ARL15: variants seen among roughly 807,000 people sequenced by gnomAD.
ARL15 encodes the protein ADP-ribosylation factor-like protein 15.
Under a neutral mutation model 25.2 loss-of-function variants are expected in ARL15, and 19 were observed. The observed-to-expected ratio is 0.75, with a 90% CI of 0.53 to 1.10. The LOEUF (loss-of-function observed/expected upper bound fraction) is 1.10, where lower values mean the gene tolerates loss of function less well. ARL15 is among the 50% of genes least tolerant of loss of function. The pLI is 0.00. For synonymous variants in ARL15, 94 were observed against 86.8 expected (o/e 1.08, Z -0.46); for missense variants, 220 against 246.0 (o/e 0.89, Z 0.71).
At chr5:54,107,144 G>C (rs1225824031) in intron 4 of ARL15, among the ~76,000 whole-genome samples, 3 of 152,064 alleles carry the variant, frequency 2.0e-5, no homozygotes, top group African/African-American at 7.2e-5. Context: ...GGCTAAAGCG[G>C]AACCCCGTGA....
At chr5:54,084,018 C>T (rs1751881135) in intron 4 of ARL15, among the ~76,000 whole-genome samples, 1 of 152,104 alleles carries the variant, frequency 6.6e-6, no homozygotes, top group Non-Finnish European at 1.5e-5. Flanking sequence ...TATTCCATAG[C>T]CAGGGTGCCA....
chr5:54,005,131 C>T (rs963711854), intron 4 of ARL15, among the ~76,000 whole-genome samples: 3 of 152,078 alleles, frequency 2.0e-5, no homozygotes, highest in East Asian at 1.9e-4. Flanking sequence ...GGATTACAGG[C>T]ATGAGCCACC....
intron 1 of ARL15, among the ~76,000 whole-genome samples, chr5:54,251,120 G>T (rs1757225312): frequency 7.3e-6 from 1 of 136,678 alleles, no homozygotes; most frequent in Admixed American, 7.2e-5. Context: ...CTTAGAAAGT[G>T]ATTCACTTGA....
intron 4 of ARL15, among the ~76,000 whole-genome samples, chr5:54,068,227 G>GA (rs1751307506): frequency 1.3e-5 from 2 of 152,162 alleles, no homozygotes; most frequent in African/African-American, 4.8e-5. Context: ...GCAGAGTGTG[G>GA]AATGAGAAGA....
chr5:53,973,161 G>T (rs994224648), intron 4 of ARL15, among the ~76,000 whole-genome samples: 6 of 152,048 alleles, frequency 3.9e-5, no homozygotes, highest in Non-Finnish European at 5.9e-5. Flanking sequence ...AAGCATAAAG[G>T]TCCAAGAAAT....
intron 4 of ARL15, among the ~76,000 whole-genome samples, chr5:54,057,342 T>C (rs932759790): frequency 6.6e-6 from 1 of 152,208 alleles, no homozygotes. Flanking sequence ...AAATAGTCCA[T>C]CAACATGATT....
chr5:54,201,839 T>C (rs1755733558), intron 1 of ARL15, among the ~76,000 whole-genome samples: 1 of 152,104 alleles, frequency 6.6e-6, no homozygotes, highest in South Asian at 2.1e-4. Context: ...CAATGGACCA[T>C]CTCCTTGACC....
intron 4 of ARL15, among the ~76,000 whole-genome samples, chr5:53,888,470 G>C (rs1210719931): frequency 2.0e-5 from 3 of 151,994 alleles, no homozygotes; most frequent in Non-Finnish European, 4.4e-5. Flanking sequence ...CTTCTGTAGA[G>C]GTGGGGTCTA....
At chr5:54,097,833 A>G (rs999218961) in intron 4 of ARL15, among the ~76,000 whole-genome samples, 1 of 152,210 alleles carries the variant, frequency 6.6e-6, no homozygotes, top group African/African-American at 2.4e-5. Flanking sequence ...CTACAGGGAG[A>G]GCACACAAAG....
chr5:54,172,528 A>C (rs1754750383), intron 1 of ARL15, among the ~76,000 whole-genome samples: 1 of 152,304 alleles, frequency 6.6e-6, no homozygotes, highest in East Asian at 1.9e-4. Flanking sequence ...GAATTTAATC[A>C]ATGTACTGTG....
At chr5:54,254,826 G>A (rs73120767) in intron 1 of ARL15, among the ~76,000 whole-genome samples, 13,684 of 152,244 alleles carry the variant, frequency 0.09, 965 homozygotes, top group African/African-American at 0.19. Flanking sequence ...AAGTTTAATA[G>A]GAACTTATCA....
intron 3 of ARL15, among the ~76,000 whole-genome samples, chr5:54,154,162 G>A (rs571935084): frequency 2.2e-4 from 34 of 152,044 alleles, no homozygotes; most frequent in Non-Finnish European, 4.6e-4. Context: ...ATTTATTATC[G>A]GAACAAATAC....
At chr5:54,024,685 A>G (rs1490909063) in intron 4 of ARL15, among the ~76,000 whole-genome samples, 1 of 152,164 alleles carries the variant, frequency 6.6e-6, no homozygotes, top group African/African-American at 2.4e-5. Flanking sequence ...TATCTAAACA[A>G]CATATGGTTA....
At chr5:53,903,284 A>C (rs1392741996) in intron 4 of ARL15, among the ~76,000 whole-genome samples, 1 of 152,216 alleles carries the variant, frequency 6.6e-6, no homozygotes, top group Non-Finnish European at 1.5e-5. Context: ...ATTGTCATCC[A>C]TGACTAGTTG....
chr5:53,886,401 T>C lies in ARL15; in HGVS notation c.*160A>G. On this transcript the variant is annotated 3_prime_UTR_variant, in exon 5 of 5. Transcript: ENST00000504924. ...TTAATGCCGATGATAATTCATCTGA[T>C]CTACAGAATATTCACTTTAATAGAG... 2 of 724,350 alleles carry C rather than the reference T, an allele frequency of 2.8e-6. No individual in the cohort carries two copies. The highest frequency in any genetic ancestry group is 4.4e-6 in the Non-Finnish European group (2 of 457,380). 44.9% of individuals were successfully genotyped at this position (724,350 alleles called of 1,614,324 possible).
rs34795383 is a variant in ARL15, at chr5:54,069,558, C to CAAAAA, written c.462+43639_462+43643dup. On this transcript the variant is annotated intron_variant, in intron 4 of 4. Transcript: ENST00000504924. ...CCTGGGTGACAACAGCAAAACGTCT[C>CAAAAA]AAAAAAAAAAAAAAAAAAAAAAAAA... Among the ~76,000 whole-genome samples, 52 of 48,086 alleles carry CAAAAA rather than the reference C, an allele frequency of 1.1e-3. 1 individual carries two copies. The highest frequency in any genetic ancestry group is 5.0e-3 in the African/African-American group (46 of 9,198). The allele number at this position is 48,086 out of a possible 152,430, so 31.5% of individuals were successfully genotyped here. A position where few individuals can be genotyped will look rare whatever the true frequency, so the allele number is the denominator to read the frequency against.
chr5:53,980,556 C>G (rs1305793122), intron 4 of ARL15, among the ~76,000 whole-genome samples: 1 of 152,190 alleles, frequency 6.6e-6, no homozygotes, highest in Non-Finnish European at 1.5e-5. Flanking sequence ...TGGATGGAGA[C>G]ATGTGAGAAA....
At chr5:54,086,707 C>T (rs1221623558) in intron 4 of ARL15, among the ~76,000 whole-genome samples, 1 of 152,038 alleles carries the variant, frequency 6.6e-6, no homozygotes, top group Non-Finnish European at 1.5e-5. Flanking sequence ...GTCCGCTATA[C>T]TAGAAGCAAA....
intron 3 of ARL15, among the ~76,000 whole-genome samples, chr5:54,129,749 T>A (rs1039945856): frequency 8.5e-5 from 13 of 152,212 alleles, no homozygotes; most frequent in African/African-American, 2.4e-4. Flanking sequence ...TCCTGTCTAA[T>A]CCAGCCTCAC....
Sources: allele counts gnomAD v4.1 joint callset (sites outside exome capture counted in the v4.1 genomes callset), GRCh38; gene constraint gnomAD v4.1.1; transcripts MANE v1.5; gene names NCBI Gene and HGNC (gene_info 2026-07-23, HGNC 2026-07-21).